Variants in NEGR1 observed in about 807,000 individuals in gnomAD.
NEGR1 encodes the protein IgLON family member 4.
A neutral mutation model predicts 40.9 loss-of-function variants in NEGR1; 10 were observed. The ratio of observed to expected loss-of-function variants is 0.24; its 90% CI spans 0.15 to 0.42. The LOEUF (loss-of-function observed/expected upper bound fraction) is 0.42, where lower values mean the gene tolerates loss of function less well. NEGR1 is among the 10% of genes least tolerant of loss of function. The pLI is 1.00. For missense variants in NEGR1, 352 were observed against 438.9 expected (o/e 0.80, Z 1.77); for synonymous variants, 185 against 166.8 (o/e 1.11, Z -0.84).
chr1:71,941,665 T>G (rs963671805), intron 1 of NEGR1, among the ~76,000 whole-genome samples: 1 of 152,148 alleles, frequency 6.6e-6, no homozygotes, highest in African/African-American at 2.4e-5. Context: ...AATTGTATTT[T>G]AAAATATGTT....
chr1:72,056,259 G>A (rs1188601318), intron 1 of NEGR1, among the ~76,000 whole-genome samples: 1 of 151,284 alleles, frequency 6.6e-6, no homozygotes, highest in Admixed American at 6.6e-5. Flanking sequence ...CAGTTCAGGA[G>A]AGAGGCTTTG....
chr1:71,511,301 T>A (rs1889298), intron 6 of NEGR1, among the ~76,000 whole-genome samples: 62,113 of 152,070 alleles, frequency 0.41, 13,045 homozygotes, highest in East Asian at 0.67. Flanking sequence ...AAGTTCTCAG[T>A]ATCTCTAATA....
intron 6 of NEGR1, among the ~76,000 whole-genome samples, chr1:71,483,275 G>T (rs1486667917): frequency 6.6e-6 from 1 of 151,740 alleles, no homozygotes; most frequent in Non-Finnish European, 1.5e-5. Flanking sequence ...GACGGTATGA[G>T]ACCATGTAGG....
chr1:71,824,255 C>G (rs149718997), intron 2 of NEGR1, among the ~76,000 whole-genome samples: 1 of 151,938 alleles, frequency 6.6e-6, no homozygotes, highest in East Asian at 2.0e-4. Context: ...GATGCATTAG[C>G]CACTGCAATT....
At chr1:71,850,064 T>C (rs1659552212) in intron 2 of NEGR1, among the ~76,000 whole-genome samples, 2 of 151,980 alleles carry the variant, frequency 1.3e-5, no homozygotes, top group Admixed American at 6.6e-5. Flanking sequence ...AACAAACTAA[T>C]TGACATATCC....
chr1:71,558,818 C>T (rs1212309666), intron 6 of NEGR1, among the ~76,000 whole-genome samples: 3 of 149,178 alleles, frequency 2.0e-5, no homozygotes, highest in African/African-American at 7.4e-5. Flanking sequence ...TAGAATTAGC[C>T]ATTTCTCCAA....
intron 5 of NEGR1, among the ~76,000 whole-genome samples, chr1:71,605,601 G>A (rs568694836): frequency 3.3e-5 from 5 of 152,248 alleles, no homozygotes; most frequent in South Asian, 2.1e-4. Flanking sequence ...CACCAAAAAC[G>A]TTTGCTTAAT....
intron 1 of NEGR1, among the ~76,000 whole-genome samples, chr1:72,156,161 A>G (rs564803091): frequency 6.6e-6 from 1 of 152,294 alleles, no homozygotes; most frequent in South Asian, 2.1e-4. Flanking sequence ...AAAATATTTT[A>G]GAAATTTTCA....
intron 3 of NEGR1, among the ~76,000 whole-genome samples, chr1:71,757,044 T>C (rs1655769602): frequency 6.6e-6 from 1 of 152,102 alleles, no homozygotes; most frequent in African/African-American, 2.4e-5. Flanking sequence ...ACAAAAAATA[T>C]ACAATGAATC....
intron 1 of NEGR1, among the ~76,000 whole-genome samples, chr1:72,151,701 A>C (rs1295772900): frequency 1.3e-5 from 2 of 151,880 alleles, no homozygotes; most frequent in African/African-American, 2.4e-5. Context: ...TTTCTCTGAG[A>C]ATATAAAAAT....
intron 1 of NEGR1, among the ~76,000 whole-genome samples, chr1:72,232,903 C>T (rs542145190): frequency 1.1e-3 from 169 of 152,134 alleles, no homozygotes; most frequent in African/African-American, 3.8e-3. Flanking sequence ...ACATCTAAAA[C>T]GGTAGGAAGA....
chr1:72,046,660 G>A (rs1273895205), intron 1 of NEGR1, among the ~76,000 whole-genome samples: 2 of 151,524 alleles, frequency 1.3e-5, no homozygotes, highest in African/African-American at 2.4e-5. Flanking sequence ...ACACTAAAAA[G>A]TAAACCTATT....
chr1:72,280,860 T>G (rs1000391422), intron 1 of NEGR1, among the ~76,000 whole-genome samples: 2 of 152,090 alleles, frequency 1.3e-5, no homozygotes. Context: ...ACTGATGTTG[T>G]GCAAGCCAGA....
intron 2 of NEGR1, among the ~76,000 whole-genome samples, chr1:71,898,487 T>C (rs1661033569): frequency 6.6e-6 from 1 of 152,094 alleles, no homozygotes. Context: ...TAGTGGCGGA[T>C]GCCTGTAGTC....
intron 2 of NEGR1, among the ~76,000 whole-genome samples, chr1:71,778,655 T>C (rs996704596): frequency 3.9e-5 from 6 of 152,158 alleles, no homozygotes; most frequent in African/African-American, 1.2e-4. Context: ...GCTCTTAGTC[T>C]CGCCTAGCGA....
At chr1:71,411,516 A>G (rs1646320987) in intron 6 of NEGR1, among the ~76,000 whole-genome samples, 1 of 152,168 alleles carries the variant, frequency 6.6e-6, no homozygotes, top group Non-Finnish European at 1.5e-5. Flanking sequence ...TTGCCTTTCA[A>G]TATCATGCTG....
intron 1 of NEGR1, among the ~76,000 whole-genome samples, chr1:72,161,027 A>C (rs530875831): frequency 4.0e-4 from 61 of 152,290 alleles, no homozygotes; most frequent in African/African-American, 1.4e-3. Context: ...TGGATTCTTT[A>C]ATTACATATT....
intron 1 of NEGR1, among the ~76,000 whole-genome samples, chr1:71,951,159 A>G (rs1646067325): frequency 2.0e-5 from 3 of 151,970 alleles, no homozygotes; most frequent in Admixed American, 2.0e-4. Flanking sequence ...TGAAATGCAC[A>G]CTGCTCCAAT....
intron 1 of NEGR1, among the ~76,000 whole-genome samples, chr1:72,022,283 A>G (rs1215409667): frequency 8.6e-6 from 1 of 115,610 alleles, no homozygotes; most frequent in Non-Finnish European, 1.9e-5. Flanking sequence ...ATATATATAT[A>G]TATATATATA....
Sources: allele counts gnomAD v4.1 joint callset (sites outside exome capture counted in the v4.1 genomes callset), GRCh38; gene constraint gnomAD v4.1.1; transcripts MANE v1.5; gene names NCBI Gene and HGNC (gene_info 2026-07-23, HGNC 2026-07-21).